RFX6: variants seen among roughly 807,000 people sequenced by gnomAD.
The protein encoded by RFX6 is DNA-binding protein RFX6.
Under a neutral mutation model 110.8 loss-of-function variants are expected in RFX6, and 50 were observed. The observed-to-expected ratio is 0.45, with a 90% confidence interval of 0.36 to 0.57. The LOEUF (loss-of-function observed/expected upper bound fraction) is 0.57, where lower values mean the gene tolerates loss of function less well. Among genes scored for constraint, RFX6 ranks in the 20% least tolerant of loss-of-function variants. The probability of loss-of-function intolerance (pLI) is 0.00; values close to 1 mark genes in which losing one functional copy is unlikely to be tolerated. For synonymous variants in RFX6, 383 were observed against 411.2 expected, an observed-to-expected ratio of 0.93 and a Z score of 0.83; for missense variants, 990 against 1,127.0, an observed-to-expected ratio of 0.88 and a Z score of 1.74.
At chr6:116,910,299 C>G (rs1775322995) in intron 6 of RFX6, among the ~76,000 whole-genome samples, 1 of 152,102 alleles carries the variant, frequency 6.6e-6, no homozygotes, top group Non-Finnish European at 1.5e-5. Context: ...TATACCAGCA[C>G]AGTAGCATTA....
At chr6:116,877,630 C>A in intron 1 of RFX6, 132 bp downstream of exon 1, 2 of 1,060,376 alleles carry the variant, frequency 1.9e-6, no homozygotes, top group African/African-American at 1.6e-5. Context: ...CTTTGTATTT[C>A]CTCAGTAAAA....
intron 7 of RFX6, 128 bp downstream of exon 7, chr6:116,911,170 T>C: frequency 8.7e-6 from 6 of 689,346 alleles, no homozygotes; most frequent in Non-Finnish European, 1.5e-5. Context: ...TTGACTGATT[T>C]ATAGGAGAGG....
intron 9 of RFX6, 108 bp from the exon 10 acceptor site, chr6:116,917,929 C>T: frequency 1.3e-6 from 1 of 761,412 alleles, no homozygotes; most frequent in South Asian, 1.5e-5. Flanking sequence ...AAGGAGTTAA[C>T]ATGTTATTCT....
rs368103400 is a variant in RFX6, at chr6:116,931,248, A to G, written c.2612-83A>G. 9.0e-5 allele frequency: 90 copies of G among 996,792 alleles called. 1 individual carries two copies. In the African/African-American group the frequency reaches 1.1e-3, roughly 13 times the overall value. 61.7% of individuals were successfully genotyped at this position (996,792 alleles called of 1,614,324 possible). A position where few individuals can be genotyped will look rare whatever the true frequency, so the allele number is the denominator to read the frequency against. On this transcript the variant is annotated intron_variant, in intron 18 of 18. Transcript: ENST00000332958. ...ATGTGTGCTAAGTGCAAAAATAAAT[A>G]CAGGGTATTAAAATGAGTGGCATTT...
At chr6:116,910,706 TA>T (rs1327515888) in intron 6 of RFX6, among the ~76,000 whole-genome samples, 1 of 152,188 alleles carries the variant, frequency 6.6e-6, no homozygotes, top group Non-Finnish European at 1.5e-5. Flanking sequence ...TTTGAAGTGA[TA>T]GGAAAAATAT....
chr6:116,901,239 T>G (rs941080100), intron 6 of RFX6, among the ~76,000 whole-genome samples: 1 of 152,230 alleles, frequency 6.6e-6, no homozygotes, highest in Non-Finnish European at 1.5e-5. Flanking sequence ...TGTAATGGTT[T>G]TATTGGGATG....
intron 12 of RFX6, among the ~76,000 whole-genome samples, chr6:116,921,451 A>T (rs913101879): frequency 1.3e-5 from 2 of 152,222 alleles, no homozygotes; most frequent in African/African-American, 4.8e-5. Flanking sequence ...ACTAGACTCA[A>T]AATGAATATT....
At position 116,916,266 on chromosome 6, in the gene RFX6, T is replaced by C; in HGVS notation, c.924T>C (p.Asn308=). The C allele has an allele frequency of 6.2e-7, 1 of 1,613,036 alleles. No homozygotes were observed. Among genetic ancestry groups the C allele is most frequent in the Non-Finnish European group, 8.5e-7 (1 of 1,179,272 alleles). ...MPDHLLPLLE[N]PVIIDIFCVC... is the part of the protein sequence containing the mutation. ...ACCATCTCCTTCCCCTGCTCGAAAA[T>C]CCTGTTATCATTGATATTTTCTGTG... The change falls in exon 9 of 19, where the codon AAT becomes AAC. Residue 308 remains asparagine, a synonymous_variant. Coordinates refer to ENST00000332958, the MANE Select transcript of RFX6 (RefSeq NM_173560.4).
At chr6:116,878,422 G>T (rs1774514007) in intron 2 of RFX6, among the ~76,000 whole-genome samples, 1 of 152,090 alleles carries the variant, frequency 6.6e-6, no homozygotes, top group African/African-American at 2.4e-5. Context: ...GTTTGAGGTA[G>T]AAGACATAGA....
At chr6:116,911,667 A>T (rs1028635088) in intron 7 of RFX6, among the ~76,000 whole-genome samples, 1 of 152,148 alleles carries the variant, frequency 6.6e-6, no homozygotes, top group Non-Finnish European at 1.5e-5. Flanking sequence ...TTTGTCGGGG[A>T]TCTGTTGGCT....
At chr6:116,917,037 C>T (rs1164852232) in intron 9 of RFX6, among the ~76,000 whole-genome samples, 1 of 151,994 alleles carries the variant, frequency 6.6e-6, no homozygotes, top group Non-Finnish European at 1.5e-5. Flanking sequence ...GCAAGAAAAC[C>T]CAAGCTGGAC....
intron 6 of RFX6, among the ~76,000 whole-genome samples, chr6:116,902,612 T>C (rs1207786658): frequency 2.0e-5 from 3 of 152,074 alleles, no homozygotes; most frequent in Non-Finnish European, 4.4e-5. Flanking sequence ...GTGGGTCTTC[T>C]AATGTGGGCC....
chr6:116,891,170 T>G (rs1158720948), intron 4 of RFX6, among the ~76,000 whole-genome samples: 4 of 152,184 alleles, frequency 2.6e-5, no homozygotes, highest in Non-Finnish European at 5.9e-5. Flanking sequence ...ATATGGATAT[T>G]CCTGATCAGA....
chr6:116,908,044 G>A (rs1442343663), intron 6 of RFX6, among the ~76,000 whole-genome samples: 3 of 151,984 alleles, frequency 2.0e-5, no homozygotes, highest in Non-Finnish European at 4.4e-5. Flanking sequence ...AAAATTTAGA[G>A]TCTATTTTGT....
In RFX6 at chr6:116,927,458, A is replaced by T; in HGVS notation, c.2317A>T (p.Asn773Tyr). 6.2e-7 allele frequency: 1 copy of T among 1,614,142 alleles called. No homozygotes were observed. The highest frequency in any genetic ancestry group is 8.5e-7 in the Non-Finnish European group (1 of 1,180,018). ...AQDSHNMQFL[N>Y]TGSFNFLSNT... ...GGATTCACACAATATGCAGTTTTTA[A>T]ATACAGGAAGCTTCAATTTCTTGAG... Residue 773 changes from asparagine (N) to tyrosine (Y), a missense_variant, in exon 17 of 19, where the codon AAT (asparagine) becomes TAT (tyrosine). Physicochemically the swap from Asn to Tyr is moderately radical, Grantham distance 143. This residue lies in a region of RFX6 where 438 missense variants were observed against 441.9 expected (regional missense o/e 0.99). Coordinates refer to ENST00000332958, the MANE Select transcript of RFX6 (RefSeq NM_173560.4).
intron 6 of RFX6, among the ~76,000 whole-genome samples, chr6:116,897,929 G>C (rs1397830113): frequency 6.6e-6 from 1 of 152,128 alleles, no homozygotes; most frequent in Non-Finnish European, 1.5e-5. Flanking sequence ...GATGGTGATT[G>C]AAGCCATGGT....
At chr6:116,890,435 A>T (rs1168316085) in intron 4 of RFX6, among the ~76,000 whole-genome samples, 1 of 152,122 alleles carries the variant, frequency 6.6e-6, no homozygotes, top group Non-Finnish European at 1.5e-5. Context: ...TTGTTCCCTC[A>T]CAAGACTGTT....
chr6:116,902,533 G>T (rs1296924929), intron 6 of RFX6, among the ~76,000 whole-genome samples: 3 of 151,948 alleles, frequency 2.0e-5, no homozygotes, highest in Non-Finnish European at 2.9e-5. Context: ...TTAATTCACA[G>T]GAATAAAACA....
chr6:116,927,811 A>G (rs1775782247), intron 17 of RFX6, among the ~76,000 whole-genome samples: 1 of 140,372 alleles, frequency 7.1e-6, no homozygotes, highest in Non-Finnish European at 1.5e-5. Context: ...TGGCAGGATC[A>G]TGATTCACTG....
Sources: gnomAD v4.1 joint callset for allele counts (sites outside exome capture counted in the v4.1 genomes callset) on GRCh38, gnomAD v4.1.1 for gene constraint, gnomAD v4.1.1 regional missense constraint, MANE v1.5 for transcripts, NCBI Gene and HGNC (gene_info 2026-07-23, HGNC 2026-07-21) for gene names.